SPACA6: variants seen among roughly 807,000 people sequenced by gnomAD.
SPACA6 encodes the protein sperm acrosome membrane-associated protein 6.
For missense variants in SPACA6, 8 were observed against 2.8 expected, an observed-to-expected ratio of 2.88 and a Z score of -1.34; for synonymous variants, 6 against 1.5, an observed-to-expected ratio of 4.05 and a Z score of -2.21.
intron 4 of SPACA6, 121 bp downstream of exon 4, chr19:51,702,773 C>T (rs1362607066): frequency 5.0e-6 from 2 of 398,884 alleles, no homozygotes; most frequent in East Asian, 3.6e-5. Flanking sequence ...CAATAAGATC[C>T]CTGGAGAAAA....
At chr19:51,691,101 T>G (rs2083367761), upstream of SPACA6, among the ~76,000 whole-genome samples, 1 of 118,192 alleles carries the variant, frequency 8.5e-6, no homozygotes, top group African/African-American at 3.3e-5. Flanking sequence ...CCTCCTCAGG[T>G]CGCTACCCCA....
At position 51,702,665 on chromosome 19, in the gene SPACA6, T is replaced by C. The variant is rs2083478438; in HGVS notation, c.385+13T>C. The stretch of plus-strand genomic sequence containing the variant: ...ATCCCTCCCTGCGGTAAGGACTTCA[T>C]CTAAAACTTGGAAATTGCGGGGTAA... On this transcript the variant is annotated intron_variant, in intron 4 of 8. Coordinates refer to ENST00000637797, the MANE Select transcript of SPACA6 (RefSeq NM_001316972.2). The C allele has an allele frequency of 2.5e-6, 1 of 399,132 alleles. No homozygotes were observed. The allele number at this position is 399,132 out of a possible 1,614,324, so 24.7% of individuals were successfully genotyped here. A position where few individuals can be genotyped will look rare whatever the true frequency, so the allele number is the denominator to read the frequency against.
chr19:51,711,686 A>G (rs2083542023), intron 2 of SPACA6, among the ~76,000 whole-genome samples: 1 of 152,234 alleles, frequency 6.6e-6, no homozygotes, highest in Non-Finnish European at 1.5e-5. Context: ...ATATAGCCAT[A>G]CTGTGGACTA....
chr19:51,705,682 G>A (rs2083512500), downstream of SPACA6, among the ~76,000 whole-genome samples: 1 of 145,786 alleles, frequency 6.9e-6, no homozygotes, highest in Admixed American at 6.7e-5. Flanking sequence ...CTACATACCA[G>A]CAGGACTTGT....
chr19:51,691,246 G>A (rs931922597), upstream of SPACA6, among the ~76,000 whole-genome samples: 72 of 151,768 alleles, frequency 4.7e-4, no homozygotes, highest in African/African-American at 1.5e-3. Context: ...AGAAGGGGGA[G>A]GGGAGGAAAG....
At chr19:51,699,687 C>A (rs1479927179) in intron 2 of SPACA6, among the ~76,000 whole-genome samples, 1 of 152,028 alleles carries the variant, frequency 6.6e-6, no homozygotes, top group Non-Finnish European at 1.5e-5. Flanking sequence ...ATAAGGACAC[C>A]AATCATACTG....
intron 4 of SPACA6, 74 bp downstream of exon 4, chr19:51,702,726 T>C: frequency 2.5e-6 from 1 of 398,950 alleles, no homozygotes; most frequent in Non-Finnish European, 4.4e-6. Flanking sequence ...CGACATCAAG[T>C]GTGGGAAAGC....
intron 1 of SPACA6, 94 bp downstream of exon 1, chr19:51,693,834 G>C (rs578073490): frequency 2.2e-5 from 9 of 401,540 alleles, no homozygotes; most frequent in Admixed American, 1.7e-4. Flanking sequence ...GACAGACAGA[G>C]AGAAACAGTC....
chr19:51,707,720 C>G (rs35653323), downstream of SPACA6, among the ~76,000 whole-genome samples: 25,605 of 152,242 alleles, frequency 0.17, 2,313 homozygotes, highest in South Asian at 0.25. Context: ...AGACTGCCCC[C>G]ACTTCAGACA....
At chr19:51,692,757 T>C (rs748749216), upstream of SPACA6, 5 of 534,318 alleles carry the variant, frequency 9.4e-6, no homozygotes, top group African/African-American at 1.9e-5. This position sits in a 1 kb window ranked among gnomAD's most constrained non-coding sequence, Gnocchi z 5.6. Flanking sequence ...TGTCTGTCTG[T>C]CTGTCGGGTC....
upstream of SPACA6, chr19:51,692,537 T>G: frequency 2.1e-6 from 1 of 466,796 alleles, no homozygotes; most frequent in Admixed American, 2.9e-5. The surrounding 1 kb of genome is among the most constrained non-coding windows in gnomAD (Gnocchi z 5.6). Context: ...GGGTCCCTGA[T>G]GAGGAAGGGG....
At chr19:51,708,371 A>G (rs746099815), downstream of SPACA6, among the ~76,000 whole-genome samples, 3 of 152,236 alleles carry the variant, frequency 2.0e-5, no homozygotes, top group South Asian at 2.1e-4. Flanking sequence ...AAAATACGAA[A>G]TATGGTAATA....
upstream of SPACA6, chr19:51,686,253 A>T (rs1191003046): frequency 6.6e-6 from 1 of 152,222 alleles, no homozygotes; most frequent in East Asian, 1.9e-4. Flanking sequence ...GTCATTTATT[A>T]TTCACTCATC....
chr19:51,696,459 T>C (rs543280848), intron 2 of SPACA6, among the ~76,000 whole-genome samples: 69 of 152,086 alleles, frequency 4.5e-4, no homozygotes, highest in African/African-American at 1.5e-3. Context: ...AGTTTTTTTG[T>C]TTTTTTGAGA....
At position 51,704,401 on chromosome 19, in the gene SPACA6, G is replaced by A; in HGVS notation, c.862G>A (p.Glu288Lys). Residue 288 changes from glutamate (E) to lysine (K), a missense_variant, in exon 8 of 9, where the codon GAG becomes AAG. Transcript: ENST00000637797. The stretch of plus-strand genomic sequence containing the variant: ...CCTGGGCGAGCTGCTGGCCAGGCCC[G>A]AGGCTCTGACGCCCAGCAATCTGTT... ...PSLGELLARP[E>K]ALTPSNLFLL... The A allele has an allele frequency of 2.5e-6, 1 of 401,188 alleles. No individual in the cohort carries two copies. 24.9% of individuals were successfully genotyped at this position (401,188 alleles called of 1,614,324 possible).
chr19:51,689,306 G>C (rs2083349409), upstream of SPACA6: 1 of 151,790 alleles, frequency 6.6e-6, no homozygotes. Flanking sequence ...GGCCGGGGCG[G>C]GGGGCCCCCT....
chr19:51,703,876 G>T lies in SPACA6; in HGVS notation c.574-154G>T. On this transcript the variant is annotated intron_variant, in intron 6 of 8. Transcript: ENST00000637797. The surrounding 1 kb of genome is among the most constrained non-coding windows in gnomAD (Gnocchi z 4.2). ...AAGGGTTTAAGGAGTGAGGGGAAGG[G>T]GTGCGTTTAGGGCAGGGGAGCGAGA... 2.5e-6 allele frequency: 1 copy of T among 397,650 alleles called. No individual in the cohort carries two copies. Among genetic ancestry groups the T allele is most frequent in the Non-Finnish European group, 4.4e-6 (1 of 225,936 alleles). The allele number at this position is 397,650 out of a possible 1,614,324, so 24.6% of individuals were successfully genotyped here.
chr19:51,708,660 C>G (rs893189182), downstream of SPACA6, among the ~76,000 whole-genome samples: 3 of 152,040 alleles, frequency 2.0e-5, no homozygotes, highest in African/African-American at 7.2e-5. Context: ...AACCCTGTCT[C>G]TACTAAAAAT....
chr19:51,694,562 G>A lies in SPACA6; in HGVS notation c.292+7G>A. The A allele has an allele frequency of 2.5e-6, 1 of 399,780 alleles. No individual in the cohort carries two copies. Among genetic ancestry groups the A allele is most frequent in the Non-Finnish European group, 4.4e-6 (1 of 226,598 alleles). The allele number at this position is 399,780 out of a possible 1,614,324, so 24.8% of individuals were successfully genotyped here. Reference sequence around the variant, plus strand: ...GAGCTGGCTGCTGCCCAGGGTGAGTGTGTGGGGATGGGGAGATGGGAGATG... The same window carrying A: ...GAGCTGGCTGCTGCCCAGGGTGAGTATGTGGGGATGGGGAGATGGGAGATG... On this transcript the variant is annotated splice_region_variant and intron_variant, in intron 2 of 8. Transcript: ENST00000637797.
Sources: allele counts gnomAD v4.1 joint callset (sites outside exome capture counted in the v4.1 genomes callset), GRCh38; gene constraint gnomAD v4.1.1; non-coding constraint Gnocchi (gnomAD v3.1); transcripts MANE v1.5; gene names NCBI Gene and HGNC (gene_info 2026-07-23, HGNC 2026-07-21).